The following SLC44A5 variants were observed in gnomAD, a reference collection of about 807,000 sequenced individuals.
The protein encoded by SLC44A5 is choline transporter-like protein 5.
Under a neutral mutation model 101.8 loss-of-function variants are expected in SLC44A5, and 57 were observed. That is an observed-to-expected ratio of 0.56 (90% confidence interval 0.45 to 0.70). The LOEUF is 0.70. Ranked by LOEUF, SLC44A5 falls within the 30% of genes least tolerant of loss-of-function variation. The pLI is 0.00. For synonymous variants in SLC44A5, 281 were observed against 290.9 expected, an observed-to-expected ratio of 0.97 and a Z score of 0.35; for missense variants, 737 against 853.1, an observed-to-expected ratio of 0.86 and a Z score of 1.70.
chr1:75,712,062 CAT>C, the SLC44A5 span, among the ~76,000 whole-genome samples: 1 of 152,170 alleles, frequency 6.6e-6, no homozygotes, highest in Non-Finnish European at 1.5e-5. Flanking sequence ...CTGATCTGAC[CAT>C]ATAAGCATTC....
intron 1 of SLC44A5, among the ~76,000 whole-genome samples, 177 bp downstream of exon 1, chr1:75,610,863 T>C (rs1055570117): frequency 2.6e-5 from 4 of 151,446 alleles, no homozygotes; most frequent in African/African-American, 4.8e-5. Context: ...TCTATATATA[T>C]ACACACACAC....
chr1:75,638,260 C>T, the SLC44A5 span, among the ~76,000 whole-genome samples: 1 of 151,976 alleles, frequency 6.6e-6, no homozygotes, highest in Non-Finnish European at 1.5e-5. Context: ...CTCTGATGGC[C>T]ATCACTGCTC....
the SLC44A5 span, among the ~76,000 whole-genome samples, chr1:75,697,989 C>T: frequency 1.3e-5 from 2 of 152,210 alleles, no homozygotes; most frequent in South Asian, 2.1e-4. Flanking sequence ...CTGCACATGG[C>T]TTGGAGGGTC....
At chr1:75,450,777 A>G (rs548019782) in intron 2 of SLC44A5, among the ~76,000 whole-genome samples, 2 of 152,236 alleles carry the variant, frequency 1.3e-5, no homozygotes, top group East Asian at 3.9e-4. Flanking sequence ...GCTCACCTGG[A>G]TCAGCAGCCT....
At chr1:75,629,710 G>A in the SLC44A5 span, among the ~76,000 whole-genome samples, 3 of 152,138 alleles carry the variant, frequency 2.0e-5, no homozygotes, top group African/African-American at 4.8e-5. Context: ...AAATACATAT[G>A]AGAAAGAAGG....
chr1:75,467,140 T>TA (rs1557815220), intron 2 of SLC44A5, among the ~76,000 whole-genome samples: 1 of 152,098 alleles, frequency 6.6e-6, no homozygotes, highest in Non-Finnish European at 1.5e-5. Flanking sequence ...GAAAGACCTC[T>TA]ATAATGAAAA....
At chr1:75,536,953 C>G (rs1218166498) in intron 2 of SLC44A5, among the ~76,000 whole-genome samples, 1 of 122,804 alleles carries the variant, frequency 8.1e-6, no homozygotes. Flanking sequence ...TTGCAGTGAG[C>G]CGAGATCCCG....
At chr1:75,404,472 T>C (rs1254051950) in intron 2 of SLC44A5, among the ~76,000 whole-genome samples, 2 of 152,058 alleles carry the variant, frequency 1.3e-5, no homozygotes, top group Admixed American at 1.3e-4. Context: ...CCCACAAAGG[T>C]AAGCCCATCA....
At chr1:75,484,366 A>G (rs1668038968) in intron 2 of SLC44A5, among the ~76,000 whole-genome samples, 1 of 152,222 alleles carries the variant, frequency 6.6e-6, no homozygotes, top group Non-Finnish European at 1.5e-5. Context: ...GCCCCATGCC[A>G]ATCTGAAACC....
intron 2 of SLC44A5, among the ~76,000 whole-genome samples, chr1:75,471,664 T>C (rs1211704399): frequency 6.6e-6 from 1 of 152,140 alleles, no homozygotes; most frequent in Non-Finnish European, 1.5e-5. Context: ...TTCCTCTCTC[T>C]GGCATTCCAC....
At chr1:75,279,581 C>T (rs569055683) in intron 5 of SLC44A5, among the ~76,000 whole-genome samples, 3 of 152,268 alleles carry the variant, frequency 2.0e-5, no homozygotes, top group African/African-American at 7.2e-5. Flanking sequence ...GTTTACAATG[C>T]AGCAATAGAT....
At chr1:75,259,849 G>C (rs570606970) in intron 6 of SLC44A5, among the ~76,000 whole-genome samples, 3 of 152,204 alleles carry the variant, frequency 2.0e-5, no homozygotes, top group African/African-American at 7.2e-5. Flanking sequence ...AAACCCTAGA[G>C]GCCAGAAGAG....
intron 23 of SLC44A5, 121 bp from the exon 24 acceptor site, chr1:75,203,954 G>GTTGT: frequency 8.0e-7 from 1 of 1,256,672 alleles, no homozygotes; most frequent in South Asian, 1.9e-5. Flanking sequence ...TTTTTTTGTT[G>GTTGT]TTGTTTTTTA....
intron 1 of SLC44A5, among the ~76,000 whole-genome samples, chr1:75,610,088 T>G (rs944732285): frequency 1.3e-5 from 2 of 150,154 alleles, no homozygotes; most frequent in African/African-American, 4.9e-5. Context: ...AGGCCTCAGT[T>G]CTTCCCACAC....
At chr1:75,646,527 C>T in the SLC44A5 span, among the ~76,000 whole-genome samples, 1 of 152,086 alleles carries the variant, frequency 6.6e-6, no homozygotes, top group African/African-American at 2.4e-5. Flanking sequence ...CTCTGTGTCC[C>T]CACCCAAATC....
chr1:75,533,979 T>C (rs569712595), intron 2 of SLC44A5, among the ~76,000 whole-genome samples: 1 of 152,146 alleles, frequency 6.6e-6, no homozygotes, highest in Non-Finnish European at 1.5e-5. Flanking sequence ...AAAAAGCAGA[T>C]AATTACCCAA....
intron 4 of SLC44A5, among the ~76,000 whole-genome samples, chr1:75,308,559 G>A (rs1245225661): frequency 1.3e-5 from 2 of 152,170 alleles, no homozygotes; most frequent in African/African-American, 4.8e-5. Flanking sequence ...CTCTGCAAAT[G>A]CTAATAAAGT....
chr1:75,430,357 C>T (rs1232943667), intron 2 of SLC44A5, among the ~76,000 whole-genome samples: 1 of 152,124 alleles, frequency 6.6e-6, no homozygotes, highest in Non-Finnish European at 1.5e-5. Context: ...TGATCTTGAG[C>T]TCCCAGCCTC....
At chr1:75,556,493 A>G (rs770047347) in intron 1 of SLC44A5, among the ~76,000 whole-genome samples, 6 of 152,100 alleles carry the variant, frequency 3.9e-5, no homozygotes, top group Non-Finnish European at 7.4e-5. Flanking sequence ...CTGAGTGTTT[A>G]CTCTGAGACA....
Sources: allele counts gnomAD v4.1 joint callset (sites outside exome capture counted in the v4.1 genomes callset), GRCh38; gene constraint gnomAD v4.1.1; transcripts MANE v1.5; gene names NCBI Gene and HGNC (gene_info 2026-07-23, HGNC 2026-07-21).